The following MED4 variants were observed in gnomAD, a reference collection of about 807,000 sequenced individuals.
The protein encoded by MED4 is mediator complex subunit 4.
Under a neutral mutation model 35.0 loss-of-function variants are expected in MED4, and 21 were observed. The ratio of observed to expected loss-of-function variants is 0.60; its 90% confidence interval spans 0.43 to 0.86. MED4 has a LOEUF of 0.86. MED4 is among the 40% of genes least tolerant of loss of function. The probability of loss-of-function intolerance (pLI) is 0.00; values close to 1 mark genes in which losing one functional copy is unlikely to be tolerated. For synonymous variants in MED4, 138 were observed against 114.0 expected, an observed-to-expected ratio of 1.21 and a Z score of -1.34; for missense variants, 300 against 319.4, an observed-to-expected ratio of 0.94 and a Z score of 0.46.
intron 6 of MED4, among the ~76,000 whole-genome samples, chr13:48,078,027 G>T (rs1950774863): frequency 6.6e-6 from 1 of 152,018 alleles, no homozygotes. Context: ...CTTGATAGAG[G>T]AACTGCTATT....
rs1470503269 is a variant in MED4, at chr13:48,076,099, T to C, written c.*1040A>G. On this transcript the variant is annotated 3_prime_UTR_variant, in exon 7 of 7. Transcript: ENST00000258648. ...AAAAAAATCTACACTACAATATGAATTGATATTATCTCTGGGTAGAATGCT... is the reference window on the plus strand; with the variant it reads ...AAAAAAATCTACACTACAATATGAACTGATATTATCTCTGGGTAGAATGCT... 1 of 152,228 alleles carries C rather than the reference T, an allele frequency of 6.6e-6. No individual in the cohort carries two copies. Among genetic ancestry groups the C allele is most frequent in the Non-Finnish European group, 1.5e-5 (1 of 68,024 alleles). 9.4% of individuals were successfully genotyped at this position (152,228 alleles called of 1,614,324 possible).
chr13:48,086,898 A>T (rs987600811), intron 2 of MED4, among the ~76,000 whole-genome samples: 2 of 151,876 alleles, frequency 1.3e-5, no homozygotes, highest in African/African-American at 4.8e-5. Flanking sequence ...AAAAATACAA[A>T]AATTAGTTGG....
In MED4 at chr13:48,076,921, A is replaced by G. The variant is rs1169406151; in HGVS notation, c.*218T>C. On this transcript the variant is annotated 3_prime_UTR_variant, in exon 7 of 7. Transcript: ENST00000258648. Reference sequence around the variant, plus strand: ...GCTTTTTCAACAGTAAATTTTGACTATTCCCCTAAATATCTACCTAGTGGC... The same window carrying G: ...GCTTTTTCAACAGTAAATTTTGACTGTTCCCCTAAATATCTACCTAGTGGC... 5 of 439,592 alleles carry G rather than the reference A, an allele frequency of 1.1e-5. No homozygotes were observed. Among genetic ancestry groups the G allele is most frequent in the South Asian group, 3.8e-5 (1 of 26,474 alleles). 27.2% of individuals were successfully genotyped at this position (439,592 alleles called of 1,614,324 possible).
At chr13:48,080,566 T>C (rs1950800340) in intron 5 of MED4, among the ~76,000 whole-genome samples, 1 of 152,080 alleles carries the variant, frequency 6.6e-6, no homozygotes, top group Non-Finnish European at 1.5e-5. Flanking sequence ...CATTTTTTTG[T>C]AGACATTCCA....
At position 48,094,887 on chromosome 13, in the gene MED4, G is replaced by A. The variant is rs1375924988; in HGVS notation, c.125+67C>T. On this transcript the variant is annotated intron_variant, in intron 1 of 6. Coordinates refer to ENST00000258648, the MANE Select transcript of MED4 (RefSeq NM_014166.4). ...ACCCCGAGAACGAGCACAAACGCAG[G>A]GCCGGCCGGCTCCGGGGTCAGTCCC... The A allele has an allele frequency of 2.1e-5, 33 of 1,572,918 alleles. 1 individual carries two copies. The East Asian group carries it at 4.8e-4, about 23-fold the overall frequency.
chr13:48,092,304 G>T (rs529882559), intron 1 of MED4, among the ~76,000 whole-genome samples: 1 of 151,704 alleles, frequency 6.6e-6, no homozygotes, highest in Non-Finnish European at 1.5e-5. Flanking sequence ...TACAGATGGG[G>T]TTTCTCCCTG....
chr13:48,092,029 G>A (rs1455794503), intron 1 of MED4, among the ~76,000 whole-genome samples: 1 of 152,222 alleles, frequency 6.6e-6, no homozygotes, highest in African/African-American at 2.4e-5. Context: ...AGCAAAGTGA[G>A]GATGTAGCAG....
intron 1 of MED4, chr13:48,093,696 G>T (rs1418155573): frequency 8.4e-6 from 3 of 356,464 alleles, no homozygotes; most frequent in Non-Finnish European, 1.7e-5. Context: ...CCCTAATACA[G>T]TTTATTTTAA....
chr13:48,090,382 T>C lies in MED4; in HGVS notation c.162A>G (p.Gln54=), dbSNP rs17849934. The C allele has an allele frequency of 1.6e-4, 262 of 1,597,806 alleles. 2 individuals are homozygous for C. In the East Asian group the frequency reaches 2.9e-3, roughly 18 times the overall value. The stretch of plus-strand genomic sequence containing the variant: ...TTTCCTCTCCAGCCTGTAACAACTT[T>C]TGGTTTCTTGAAATTGCCAGCATTT... ...LIEMLAISRN[Q]KLLQAGEENQ... Residue 54 remains glutamine, a synonymous_variant, in exon 2 of 7, where the codon CAA becomes CAG. Transcript: ENST00000258648.
At chr13:48,081,917 C>T (rs1266195668) in intron 4 of MED4, among the ~76,000 whole-genome samples, 186 bp from the exon 5 acceptor site, 1 of 152,192 alleles carries the variant, frequency 6.6e-6, no homozygotes, top group African/African-American at 2.4e-5. Flanking sequence ...AAACAGGACA[C>T]TAATCCAGAA....
rs769888754 is a variant in MED4, at chr13:48,081,638, T to G, written c.508+7A>C. 2 of 1,598,998 alleles carry G rather than the reference T, an allele frequency of 1.3e-6. No homozygotes were observed. The highest frequency in any genetic ancestry group is 1.7e-6 in the Non-Finnish European group (2 of 1,169,410). On this transcript the variant is annotated splice_region_variant and intron_variant, in intron 5 of 6. Coordinates refer to ENST00000258648, the MANE Select transcript of MED4 (RefSeq NM_014166.4). ...TATATCTAGTATAATAAGACGAGTATGTTTACCTGGAACCCAGGTCAGTGG... is the reference window on the plus strand; with the variant it reads ...TATATCTAGTATAATAAGACGAGTAGGTTTACCTGGAACCCAGGTCAGTGG...
At chr13:48,081,988 A>T (rs957867161) in intron 4 of MED4, among the ~76,000 whole-genome samples, 1 of 152,242 alleles carries the variant, frequency 6.6e-6, no homozygotes, top group African/African-American at 2.4e-5. Flanking sequence ...AATCTCAATT[A>T]TTAACTACCG....
chr13:48,078,951 G>C (rs1044849689), intron 6 of MED4, among the ~76,000 whole-genome samples: 4 of 152,122 alleles, frequency 2.6e-5, no homozygotes, highest in Non-Finnish European at 2.9e-5. Flanking sequence ...GACTGCCTCA[G>C]AAAGGGTATA....
intron 3 of MED4, 42 bp downstream of exon 3, chr13:48,086,240 A>G: frequency 6.4e-7 from 1 of 1,574,320 alleles, no homozygotes; most frequent in Admixed American, 1.8e-5. Context: ...CAGATTAAAC[A>G]ACATCCTTTT....
chr13:48,093,801 G>A, intron 1 of MED4: 1 of 181,248 alleles, frequency 5.5e-6, no homozygotes, highest in Non-Finnish European at 1.2e-5. Flanking sequence ...CTGGTAACTT[G>A]GTAGCAATAC....
intron 1 of MED4, among the ~76,000 whole-genome samples, chr13:48,094,212 G>A (rs1276046307): frequency 1.3e-5 from 2 of 152,200 alleles, no homozygotes; most frequent in South Asian, 4.1e-4. Flanking sequence ...GTTATGAACA[G>A]CGGGGTTGGA....
intron 5 of MED4, 42 bp downstream of exon 5, chr13:48,081,603 C>G (rs1276562258): frequency 7.0e-7 from 1 of 1,423,684 alleles, no homozygotes; most frequent in African/African-American, 1.4e-5. Context: ...TAAGAATCTT[C>G]AAAACCACAT....
chr13:48,094,985 A>G lies in MED4; in HGVS notation c.94T>C (p.Ser32Pro). ...AGGACCTCCAAGTCCTCAAGCGCAG[A>G]CAGCAGCCGCTCTCGTGTGCTGTTA... ...GGNSTRERLL[S>P]ALEDLEVLSR... is the part of the protein sequence containing the mutation. Residue 32 changes from serine (S) to proline (P), a missense_variant, in exon 1 of 7, where the codon TCT becomes CCT. Ser to Pro is a moderately conservative substitution (Grantham distance 74). Transcript: ENST00000258648. 1 of 1,603,970 alleles carries G rather than the reference A, an allele frequency of 6.2e-7. No individual in the cohort carries two copies. Among genetic ancestry groups the G allele is most frequent in the Non-Finnish European group, 8.5e-7 (1 of 1,179,800 alleles).
intron 1 of MED4, among the ~76,000 whole-genome samples, chr13:48,091,030 T>A (rs1417944727): frequency 6.6e-6 from 1 of 152,228 alleles, no homozygotes; most frequent in Non-Finnish European, 1.5e-5. Context: ...GTATTTATTA[T>A]CTGGCCTTTG....
Sources: gnomAD v4.1 joint callset for allele counts (sites outside exome capture counted in the v4.1 genomes callset) on GRCh38, gnomAD v4.1.1 for gene constraint, MANE v1.5 for transcripts, NCBI Gene and HGNC (gene_info 2026-07-23, HGNC 2026-07-21) for gene names.